The following ISCU variants were observed in gnomAD, a reference collection of about 807,000 sequenced individuals.
The protein encoded by ISCU is iron-sulfur cluster assembly enzyme ISCU.
Under a neutral mutation model 18.4 loss-of-function variants are expected in ISCU, and 13 were observed. The observed-to-expected ratio is 0.71, with a 90% CI of 0.46 to 1.12. The LOEUF (loss-of-function observed/expected upper bound fraction) is 1.12, where lower values mean the gene tolerates loss of function less well. Among genes scored for constraint, ISCU ranks in the 50% most tolerant of loss-of-function variants. The pLI is 0.00. For synonymous variants in ISCU, 104 were observed against 87.5 expected (o/e 1.19, Z -1.06); for missense variants, 229 against 208.7 (o/e 1.10, Z -0.60).
intron 3 of ISCU, 81 bp from the exon 4 acceptor site, chr12:108,567,109 T>C: frequency 9.5e-7 from 1 of 1,057,738 alleles, no homozygotes; most frequent in Non-Finnish European, 1.5e-6. Flanking sequence ...TGAGAGCCTC[T>C]TTGGCCTCCC....
At position 108,564,033 on chromosome 12, in the gene ISCU, G is replaced by T. The variant is rs7980630; in HGVS notation, c.115-246G>T. The T allele has an allele frequency of 9.6e-3, 13,775 of 1,440,852 alleles. 1,004 individuals carry two copies. In the African/African-American group the frequency reaches 0.17, roughly 17 times the overall value. The allele number at this position is 1,440,852 out of a possible 1,614,324, so 89.3% of individuals were successfully genotyped here. A position where few individuals can be genotyped will look rare whatever the true frequency, so the allele number is the denominator to read the frequency against. On this transcript the variant is annotated intron_variant, in intron 1 of 4. Transcript: ENST00000311893. ...TAAAAATCCTATGGAACTAAGACATGATTTCACTGATTTTTTTTTCTTCTA... is the reference window on the plus strand; with the variant it reads ...TAAAAATCCTATGGAACTAAGACATTATTTCACTGATTTTTTTTTCTTCTA...
chr12:108,567,118 C>G, intron 3 of ISCU, 72 bp from the exon 4 acceptor site: 2 of 1,168,244 alleles, frequency 1.7e-6, no homozygotes, highest in East Asian at 2.3e-5. Flanking sequence ...CTTTGGCCTC[C>G]CTTTTTTATT....
rs1954183165 is a variant in ISCU, at chr12:108,567,207, T to C, written c.357T>C (p.Thr119=). ...VKGKTVEEAL[T]IKNTDIAKEL... ...CCTCTCAGGTGGAGGAAGCCTTGAC[T>C]ATCAAAAACACAGATATCGCCAAGG... The change falls in exon 4 of 5, where the codon ACT becomes ACC. Residue 119 remains threonine (T), a synonymous_variant. Transcript: ENST00000311893. 11 of 1,613,930 alleles carry C rather than the reference T, an allele frequency of 6.8e-6. No homozygotes were observed. The highest frequency in any genetic ancestry group is 9.3e-6 in the Non-Finnish European group (11 of 1,179,860).
At chr12:108,568,486 C>T in intron 4 of ISCU, 1 of 1,190,060 alleles carries the variant, frequency 8.4e-7, no homozygotes, top group Non-Finnish European at 1.0e-6. Flanking sequence ...TTTCCTGTGT[C>T]CCTACTATGT....
At chr12:108,563,722 G>A in intron 1 of ISCU, 2 of 335,128 alleles carry the variant, frequency 6.0e-6, no homozygotes, top group South Asian at 5.1e-5. Flanking sequence ...CAGCCTTTCA[G>A]CAGCCAGGGT....
At chr12:108,564,450 T>C in intron 2 of ISCU, 58 bp downstream of exon 2, 1 of 1,197,572 alleles carries the variant, frequency 8.4e-7, no homozygotes, top group Non-Finnish European at 1.2e-6. Flanking sequence ...TACAAAGCAC[T>C]TGCGCATTTC....
At chr12:108,568,253 T>G in intron 4 of ISCU, 2 of 1,185,632 alleles carry the variant, frequency 1.7e-6, no homozygotes, top group East Asian at 4.0e-5. Context: ...TGCTTTCTGC[T>G]GTCATTCCAG....
chr12:108,567,468 G>A (rs2030954457), intron 4 of ISCU, 200 bp downstream of exon 4: 1 of 717,336 alleles, frequency 1.4e-6, no homozygotes, highest in South Asian at 1.6e-5. Flanking sequence ...CCAGAAGGAG[G>A]TATGCACCAG....
intron 3 of ISCU, among the ~76,000 whole-genome samples, chr12:108,566,512 T>C (rs2030904835): frequency 6.6e-6 from 1 of 152,230 alleles, no homozygotes; most frequent in African/African-American, 2.4e-5. Flanking sequence ...AACTGAATGA[T>C]AGACATAGTC....
In ISCU at chr12:108,568,947, A is replaced by G. The variant is rs769158641; in HGVS notation, c.*31A>G. Reference sequence around the variant, plus strand: ...CCCTCGGCGAAGCCTCCAGCAGGCCACACCAGCTGTTTCCCACCTGCTGTG... The same window carrying G: ...CCCTCGGCGAAGCCTCCAGCAGGCCGCACCAGCTGTTTCCCACCTGCTGTG... On this transcript the variant is annotated 3_prime_UTR_variant, in exon 5 of 5. Coordinates refer to ENST00000311893, the MANE Select transcript of ISCU (RefSeq NM_213595.4). 36 of 1,578,866 alleles carry G rather than the reference A, an allele frequency of 2.3e-5. No individual in the cohort carries two copies. Among genetic ancestry groups the G allele is most frequent in the Non-Finnish European group, 2.9e-5 (34 of 1,156,066 alleles).
chr12:108,564,029 A>C, intron 1 of ISCU: 8 of 1,399,516 alleles, frequency 5.7e-6, no homozygotes, highest in Non-Finnish European at 8.1e-6. Context: ...TGGAACTAAG[A>C]CATGATTTCA....
intron 3 of ISCU, among the ~76,000 whole-genome samples, chr12:108,565,935 C>T (rs907872059): frequency 6.6e-6 from 1 of 152,188 alleles, no homozygotes. Context: ...GATCGCAAGC[C>T]CTCTAAAGGC....
At chr12:108,568,021 TACTC>T (rs780011410) in intron 4 of ISCU, 10 of 1,518,974 alleles carry the variant, frequency 6.6e-6, no homozygotes, top group Admixed American at 2.1e-5. Flanking sequence ...GCCAAGGTAA[TACTC>T]ACAGCAGAAG....
chr12:108,563,469 C>T (rs1025440565), intron 1 of ISCU: 2 of 162,784 alleles, frequency 1.2e-5, no homozygotes, highest in African/African-American at 4.8e-5. Flanking sequence ...AGATACTATC[C>T]TGAGGTCCCT....
upstream of ISCU, among the ~76,000 whole-genome samples, chr12:108,562,271 T>G (rs1381559193): frequency 6.6e-6 from 1 of 152,064 alleles, no homozygotes; most frequent in Non-Finnish European, 1.5e-5. Context: ...AGCTGCAAAA[T>G]AGGGTTAGGA....
At chr12:108,568,581 A>G in intron 4 of ISCU, 2 of 1,375,358 alleles carry the variant, frequency 1.5e-6, no homozygotes, top group Non-Finnish European at 9.4e-7. Flanking sequence ...AGTAGGGTCA[A>G]AGAGGCTAAG....
chr12:108,566,635 C>T (rs1472554548), intron 3 of ISCU, among the ~76,000 whole-genome samples: 1 of 152,218 alleles, frequency 6.6e-6, no homozygotes, highest in Admixed American at 6.5e-5. Context: ...AACCAGACCC[C>T]AGGCATCCTC....
chr12:108,564,563 C>T (rs1354244891), intron 2 of ISCU, among the ~76,000 whole-genome samples, 171 bp downstream of exon 2: 2 of 152,230 alleles, frequency 1.3e-5, no homozygotes, highest in East Asian at 3.8e-4. Context: ...TGGAGCAGGG[C>T]CTCAATCGTA....
At position 108,564,271 on chromosome 12, in the gene ISCU, C is replaced by T. The variant is rs2030777900; in HGVS notation, c.115-8C>T. The T allele has an allele frequency of 6.2e-7, 1 of 1,605,404 alleles. No individual in the cohort carries two copies. The highest frequency in any genetic ancestry group is 2.2e-5 in the East Asian group (1 of 44,844). On this transcript the variant is annotated splice_polypyrimidine_tract_variant and splice_region_variant and intron_variant, in intron 1 of 4. Coordinates refer to ENST00000311893, the MANE Select transcript of ISCU (RefSeq NM_213595.4). ...TGAACATGATTTATCTTAACCCTCT[C>T]ATTTTAGGTTGTTGATCATTATGAA...
Sources: allele counts gnomAD v4.1 joint callset (sites outside exome capture counted in the v4.1 genomes callset), GRCh38; gene constraint gnomAD v4.1.1; transcripts MANE v1.5; gene names NCBI Gene and HGNC (gene_info 2026-07-23, HGNC 2026-07-21).